Variants in ARAP2 observed in about 807,000 individuals in gnomAD.
ARAP2 encodes the protein ArfGAP with RhoGAP domain, ankyrin repeat and PH domain 2.
ARAP2 carries 148 observed loss-of-function variants against 194.5 expected under a neutral mutation model. The observed-to-expected ratio is 0.76, with a 90% CI of 0.67 to 0.87. The LOEUF (loss-of-function observed/expected upper bound fraction) is 0.87. ARAP2 is among the 40% of genes least tolerant of loss of function. The probability of loss-of-function intolerance (pLI) is 0.00; values close to 1 mark genes in which losing one functional copy is unlikely to be tolerated. For synonymous variants in ARAP2, 695 were observed against 683.5 expected, an observed-to-expected ratio of 1.02 and a Z score of -0.26; for missense variants, 2,128 against 1,989.7, an observed-to-expected ratio of 1.07 and a Z score of -1.32.
chr4:36,149,646 T>C (rs915686990), intron 16 of ARAP2, among the ~76,000 whole-genome samples: 2 of 152,204 alleles, frequency 1.3e-5, no homozygotes, highest in African/African-American at 4.8e-5. Context: ...TTTCATTTAC[T>C]ACTTAGTAAC....
chr4:36,228,690 G>T lies in ARAP2; in HGVS notation c.797C>A (p.Ala266Glu), dbSNP rs1167049582. The T allele has an allele frequency of 6.2e-7, 1 of 1,613,932 alleles. No homozygotes were observed. Among genetic ancestry groups the T allele is most frequent in the Non-Finnish European group, 8.5e-7 (1 of 1,179,974 alleles). The change falls in exon 2 of 33, where the codon GCA becomes GAA. Residue 266 changes from alanine (A) to glutamate (E), a missense_variant. By Grantham distance (107) the Ala-to-Glu change is moderately radical. Coordinates refer to ENST00000303965, the MANE Select transcript of ARAP2 (RefSeq NM_015230.4). ...DLYVPSSPIL[A>E]PVRSRSKLVS... is the part of the protein sequence containing the mutation. Reference sequence around the variant, plus strand: ...CAACTTGCTACGACTTCTCACAGGTGCTAGGATTGGTGATGATGGAACATA... The same window carrying T: ...CAACTTGCTACGACTTCTCACAGGTTCTAGGATTGGTGATGATGGAACATA...
chr4:36,101,241 C>A (rs527962691), intron 27 of ARAP2, among the ~76,000 whole-genome samples: 6 of 151,956 alleles, frequency 3.9e-5, no homozygotes, highest in Non-Finnish European at 5.9e-5. Context: ...CTGTAACCCA[C>A]CTCCCCATGG....
intron 8 of ARAP2, 86 bp from the exon 9 acceptor site, chr4:36,178,091 G>T: frequency 8.4e-7 from 1 of 1,190,768 alleles, no homozygotes; most frequent in Non-Finnish European, 1.1e-6. Flanking sequence ...CATGCCCTTT[G>T]CAACACATAA....
At chr4:36,010,282 C>T (rs1436754624) in intron 9 of ARAP2, among the ~76,000 whole-genome samples, 2 of 151,556 alleles carry the variant, frequency 1.3e-5, no homozygotes, top group African/African-American at 4.8e-5. Context: ...ATATACATCA[C>T]ATATTACATA....
chr4:36,240,224 T>C (rs547905216), intron 1 of ARAP2, among the ~76,000 whole-genome samples: 3 of 152,346 alleles, frequency 2.0e-5, no homozygotes, highest in South Asian at 4.1e-4. Flanking sequence ...AATTCACCCA[T>C]TGTATACAAT....
At chr4:36,058,947 G>T (rs1723967224) in intron 1 of ARAP2, among the ~76,000 whole-genome samples, 2 of 152,102 alleles carry the variant, frequency 1.3e-5, no homozygotes, top group Admixed American at 6.6e-5. Flanking sequence ...GACATTCAAG[G>T]TGGTCAACAT....
intron 16 of ARAP2, among the ~76,000 whole-genome samples, chr4:36,149,315 T>C (rs935711576): frequency 4.1e-5 from 3 of 73,956 alleles, no homozygotes; most frequent in African/African-American, 9.2e-5. Context: ...TCTTGTCCAG[T>C]CAGTCATTTA....
intron 1 of ARAP2, among the ~76,000 whole-genome samples, chr4:36,233,417 T>C (rs1751885045): frequency 6.6e-6 from 1 of 152,300 alleles, no homozygotes; most frequent in South Asian, 2.1e-4. Context: ...CACCCTCCAA[T>C]TATAACTAGG....
At position 36,214,497 on chromosome 4, in the gene ARAP2, G is replaced by C; in HGVS notation, c.906-17C>G. 1 of 1,565,470 alleles carries C rather than the reference G, an allele frequency of 6.4e-7. No homozygotes were observed. Among genetic ancestry groups the C allele is most frequent in the East Asian group, 2.3e-5 (1 of 43,514 alleles). ...CGGAAATAGCTTAAAAAGCAAAGGA[G>C]AAAATACTTATGAGTGAAAATATTT... is the stretch of plus-strand genomic sequence containing the variant. On this transcript the variant is annotated splice_polypyrimidine_tract_variant and intron_variant, in intron 2 of 32. Coordinates refer to ENST00000303965, the MANE Select transcript of ARAP2 (RefSeq NM_015230.4).
chr4:36,080,060 T>C (rs1422055346), intron 31 of ARAP2, among the ~76,000 whole-genome samples, 156 bp downstream of exon 31: 1 of 152,222 alleles, frequency 6.6e-6, no homozygotes, highest in Non-Finnish European at 1.5e-5. Flanking sequence ...TTTAATATAC[T>C]ATTTTAAAAA....
chr4:36,076,983 T>A (rs1728398794), intron 31 of ARAP2, among the ~76,000 whole-genome samples: 1 of 152,170 alleles, frequency 6.6e-6, no homozygotes, highest in South Asian at 2.1e-4. Flanking sequence ...AAGGAATTAC[T>A]AAGCAGATAG....
At chr4:36,068,410 T>G in intron 32 of ARAP2, 132 bp from the exon 33 acceptor site, 2 of 972,068 alleles carry the variant, frequency 2.1e-6, no homozygotes, top group Non-Finnish European at 2.8e-6. Context: ...CTAACTTTAC[T>G]TCGATACAAG....
chr4:36,117,117 A>G lies in ARAP2; in HGVS notation c.3982T>C (p.Leu1328=). The change falls in exon 25 of 33, where the codon TTG becomes CTG. Residue 1328 remains leucine, a synonymous_variant. Transcript: ENST00000303965. ...CTTTCTACATATACTTCAATTAACAAATCTCCAGCCTGGGAAACCTAGAAA... is the reference window on the plus strand; with the variant it reads ...CTTTCTACATATACTTCAATTAACAGATCTCCAGCCTGGGAAACCTAGAAA... ...KDTQVSQAGD[L]LIEVYVERKE... 1 of 1,598,332 alleles carries G rather than the reference A, an allele frequency of 6.3e-7. No individual in the cohort carries two copies. Among genetic ancestry groups the G allele is most frequent in the Non-Finnish European group, 8.5e-7 (1 of 1,173,110 alleles).
chr4:36,032,971 C>T (rs982864066), intron 5 of ARAP2, among the ~76,000 whole-genome samples: 8 of 149,056 alleles, frequency 5.4e-5, no homozygotes, highest in African/African-American at 2.0e-4. Context: ...ATACTGATGT[C>T]CAGCTCCATC....
chr4:36,126,838 T>C (rs975219930), intron 21 of ARAP2, among the ~76,000 whole-genome samples: 7 of 151,944 alleles, frequency 4.6e-5, no homozygotes, highest in African/African-American at 1.7e-4. Context: ...TTTGTCGCTG[T>C]TGTTGTTGTT....
At chr4:36,126,750 C>A (rs1198901487) in intron 21 of ARAP2, among the ~76,000 whole-genome samples, 1 of 152,060 alleles carries the variant, frequency 6.6e-6, no homozygotes, top group Non-Finnish European at 1.5e-5. Flanking sequence ...CCTACCCCTG[C>A]TGACTACCTT....
intron 5 of ARAP2, among the ~76,000 whole-genome samples, chr4:36,026,940 T>C (rs999926757): frequency 2.6e-5 from 4 of 152,248 alleles, no homozygotes; most frequent in Admixed American, 1.3e-4. Flanking sequence ...AATGCGGCCA[T>C]AGCAGTTTTC....
chr4:36,009,891 AG>A (rs71653564), intron 9 of ARAP2, among the ~76,000 whole-genome samples: 13,693 of 90,288 alleles, frequency 0.15, 927 homozygotes, highest in East Asian at 0.42. Flanking sequence ...GGCGGGGGGT[AG>A]GGGGGTGGAA....
intron 5 of ARAP2, among the ~76,000 whole-genome samples, chr4:36,039,342 C>T (rs1720451904): frequency 1.3e-5 from 2 of 152,226 alleles, no homozygotes; most frequent in Admixed American, 1.3e-4. Context: ...ATAGCCGTTA[C>T]TAGTCATCTG....
Sources: gnomAD v4.1 joint callset for allele counts (sites outside exome capture counted in the v4.1 genomes callset) on GRCh38, gnomAD v4.1.1 for gene constraint, MANE v1.5 for transcripts, NCBI Gene and HGNC (gene_info 2026-07-23, HGNC 2026-07-21) for gene names.